IMPA2: variants seen among roughly 807,000 people sequenced by gnomAD.
IMPA2 encodes IMP 2.
A neutral mutation model predicts 35.1 loss-of-function variants in IMPA2; 32 were observed. The ratio of observed to expected loss-of-function variants is 0.91; its 90% confidence interval spans 0.69 to 1.23. IMPA2 has a LOEUF of 1.23. Ranked by LOEUF, IMPA2 falls within the 50% of genes most tolerant of loss-of-function variation. The pLI is 0.00. For synonymous variants in IMPA2, 135 were observed against 160.6 expected (o/e 0.84, Z 1.20); for missense variants, 334 against 387.6 (o/e 0.86, Z 1.16).
rs1906813533 is a variant in IMPA2, at chr18:11,991,562, C to A, written c.97-7492C>A. On this transcript the variant is annotated intron_variant, in intron 1 of 7. Transcript: ENST00000269159. The surrounding 1 kb of genome is among the most constrained non-coding windows in gnomAD (Gnocchi z 4.1). ...ACACGTATCAGGTTCTTCAGAGAAA[C>A]AGGACCGGCAGGAGGTGGGTGGGTC... Among the ~76,000 whole-genome samples, 1 of 152,064 alleles carries A rather than the reference C, an allele frequency of 6.6e-6. No homozygotes were observed. Among genetic ancestry groups the A allele is most frequent in the Non-Finnish European group, 1.5e-5 (1 of 68,018 alleles).
At chr18:12,024,778 C>T (rs763155444) in intron 5 of IMPA2, among the ~76,000 whole-genome samples, 4 of 151,240 alleles carry the variant, frequency 2.6e-5, no homozygotes, top group Non-Finnish European at 2.9e-5. Flanking sequence ...TTTAGAGTAA[C>T]GGTTTTAGGT....
intron 2 of IMPA2, among the ~76,000 whole-genome samples, chr18:12,006,387 A>G (rs77821442): frequency 0.14 from 22,064 of 152,246 alleles, 1,851 homozygotes; most frequent in African/African-American, 0.22. Flanking sequence ...CTGAGAGTGG[A>G]GAGGCAGTTC....
chr18:11,985,407 T>C (rs1311523107), intron 1 of IMPA2, among the ~76,000 whole-genome samples: 1 of 152,192 alleles, frequency 6.6e-6, no homozygotes, highest in Non-Finnish European at 1.5e-5. Flanking sequence ...ATGGGGAGAA[T>C]AGAAAGATAA....
chr18:12,023,400 A>T (rs796399235), intron 5 of IMPA2, among the ~76,000 whole-genome samples: 5 of 152,282 alleles, frequency 3.3e-5, no homozygotes, highest in African/African-American at 1.2e-4. Flanking sequence ...TGTCAGGAAG[A>T]GTGAGGACCT....
At chr18:12,009,855 T>G in intron 2 of IMPA2, 28 bp from the exon 3 acceptor site, 3 of 1,582,494 alleles carry the variant, frequency 1.9e-6, no homozygotes, top group Non-Finnish European at 1.7e-6. Flanking sequence ...CTTGGTGCAT[T>G]TTCTCAGGCT....
chr18:12,027,861 C>A (rs768583127), intron 5 of IMPA2, among the ~76,000 whole-genome samples, 182 bp from the exon 6 acceptor site: 1 of 151,848 alleles, frequency 6.6e-6, no homozygotes. Flanking sequence ...GCATTACAGG[C>A]ACGATCCACT....
chr18:12,028,907 A>G lies in IMPA2; in HGVS notation c.665A>G (p.Tyr222Cys). The G allele has an allele frequency of 2.5e-6, 4 of 1,614,124 alleles. No individual in the cohort carries two copies. Among genetic ancestry groups the G allele is most frequent in the East Asian group, 4.5e-5 (2 of 44,880 alleles). Residue 222 changes from tyrosine (Y) to cysteine (C), a missense_variant, in exon 7 of 8, where the codon TAT becomes TGT. Transcript: ENST00000269159. ...CTGGCCTCAGGGGCCGCGGATGCCT[A>G]TTACCAGTTTGGCCTGCACTGCTGG... ...CHLASGAADA[Y>C]YQFGLHCWDL...
intron 1 of IMPA2, among the ~76,000 whole-genome samples, chr18:11,995,244 T>C (rs1906927577): frequency 6.6e-6 from 1 of 152,236 alleles, no homozygotes; most frequent in Admixed American, 6.5e-5. Context: ...GAGGTGTTTC[T>C]TCCTGCATGG....
At chr18:12,003,444 G>A (rs1050583453) in intron 2 of IMPA2, among the ~76,000 whole-genome samples, 3 of 152,190 alleles carry the variant, frequency 2.0e-5, no homozygotes, top group Non-Finnish European at 4.4e-5. Context: ...TCAGGAGTTC[G>A]AGACCAGCTT....
chr18:12,006,839 A>G (rs1490075417), intron 2 of IMPA2, among the ~76,000 whole-genome samples: 5 of 152,242 alleles, frequency 3.3e-5, no homozygotes, highest in African/African-American at 1.2e-4. Flanking sequence ...GTGCATAGAA[A>G]AGTGACATCG....
chr18:12,000,540 C>T (rs2056264277), intron 2 of IMPA2, among the ~76,000 whole-genome samples: 1 of 151,228 alleles, frequency 6.6e-6, no homozygotes, highest in Admixed American at 6.6e-5. Flanking sequence ...TCTCTAACTT[C>T]CTATTTCCCT....
chr18:11,987,711 G>A lies in IMPA2; in HGVS notation c.96+5946G>A, dbSNP rs7239545. The stretch of plus-strand genomic sequence containing the variant: ...CGTTGCTGTGAACTTTCTTGCACAT[G>A]TCTTTTGATTATGTGTGCATTTCTG... On this transcript the variant is annotated intron_variant, in intron 1 of 7. Coordinates refer to ENST00000269159, the MANE Select transcript of IMPA2 (RefSeq NM_014214.3). Among the ~76,000 whole-genome samples the A allele has an allele frequency of 9.2e-3, 1,402 of 152,234 alleles. 25 individuals carry two copies. The highest frequency in any genetic ancestry group is 0.032 in the African/African-American group (1,331 of 41,542).
chr18:12,007,630 TC>T (rs1378287617), intron 2 of IMPA2, among the ~76,000 whole-genome samples: 4 of 29,132 alleles, frequency 1.4e-4, no homozygotes, highest in Non-Finnish European at 4.1e-4. Context: ...TTTTCTTTCT[TC>T]TTTCTTTCTT....
rs926720034 is a variant in IMPA2, at chr18:11,991,414, T to A, written c.97-7640T>A. Among the ~76,000 whole-genome samples the A allele has an allele frequency of 2.6e-5, 4 of 152,054 alleles. No individual in the cohort carries two copies. The South Asian group carries it at 8.3e-4, about 32-fold the overall frequency. ...CCTCCTCTTCCTCCCAGGGTTGAGGTTGTACAGAGATTTGTGACGCATCAA... is the reference window on the plus strand; with the variant it reads ...CCTCCTCTTCCTCCCAGGGTTGAGGATGTACAGAGATTTGTGACGCATCAA... On this transcript the variant is annotated intron_variant, in intron 1 of 7. Coordinates refer to ENST00000269159, the MANE Select transcript of IMPA2 (RefSeq NM_014214.3). The surrounding 1 kb of genome is among the most constrained non-coding windows in gnomAD (Gnocchi z 4.1).
intron 2 of IMPA2, among the ~76,000 whole-genome samples, chr18:12,006,428 A>C (rs1907249539): frequency 6.6e-6 from 1 of 151,878 alleles, no homozygotes; most frequent in Non-Finnish European, 1.5e-5. Context: ...AGTGTAGATG[A>C]AGAACCAGAA....
Position 11,981,586 on chromosome 18 carries a change from G to A in IMPA2, c.-84G>A, listed in dbSNP as rs962072796. The A allele has an allele frequency of 4.4e-6, 4 of 915,006 alleles. No homozygotes were observed. In the Admixed American group the frequency reaches 1.3e-4, roughly 30 times the overall value. 56.7% of individuals were successfully genotyped at this position (915,006 alleles called of 1,614,324 possible). A position where few individuals can be genotyped will look rare whatever the true frequency, so the allele number is the denominator to read the frequency against. On this transcript the variant is annotated 5_prime_UTR_variant, in exon 1 of 8. Transcript: ENST00000269159. ...CGGGAGCAGGCACAGGGAGTGTGGA[G>A]CCTGGCGGCGGGACGGCGGGATCCG... is the stretch of plus-strand genomic sequence containing the variant.
intron 4 of IMPA2, among the ~76,000 whole-genome samples, chr18:12,013,702 T>C (rs781490070): frequency 4.9e-4 from 75 of 152,160 alleles, no homozygotes; most frequent in Admixed American, 7.2e-4. Context: ...TGGGAGGCTG[T>C]GGTCTGATGC....
intron 5 of IMPA2, chr18:12,017,881 T>G (rs1907623593): frequency 3.5e-6 from 1 of 286,146 alleles, no homozygotes; most frequent in Non-Finnish European, 6.8e-6. Flanking sequence ...TGTGAGCCAC[T>G]GCACCTGACC....
At chr18:12,007,683 T>TCCTTA in intron 2 of IMPA2, among the ~76,000 whole-genome samples, 1 of 147,220 alleles carries the variant, frequency 6.8e-6, no homozygotes, top group Admixed American at 6.9e-5. Context: ...TTCTTTCCTT[T>TCCTTA]CTTTCCTTTC....
Sources: allele counts gnomAD v4.1 joint callset (sites outside exome capture counted in the v4.1 genomes callset), GRCh38; gene constraint gnomAD v4.1.1; non-coding constraint Gnocchi (gnomAD v3.1); transcripts MANE v1.5; gene names NCBI Gene and HGNC (gene_info 2026-07-23, HGNC 2026-07-21).